POU6F2: variants seen among roughly 807,000 people sequenced by gnomAD.
POU6F2 encodes the protein POU domain, class 6, transcription factor 2.
Under a neutral mutation model 71.3 loss-of-function variants are expected in POU6F2, and 31 were observed. The ratio of observed to expected loss-of-function variants is 0.43; its 90% CI spans 0.33 to 0.59. POU6F2 has a LOEUF of 0.59. POU6F2 is among the 20% of genes least tolerant of loss of function. The pLI is 0.04. For synonymous variants in POU6F2, 347 were observed against 355.7 expected (o/e 0.98, Z 0.27); for missense variants, 783 against 856.8 (o/e 0.91, Z 1.07).
intron 2 of POU6F2, among the ~76,000 whole-genome samples, chr7:39,128,641 T>G (rs1295898728): frequency 6.6e-6 from 1 of 152,252 alleles, no homozygotes; most frequent in Non-Finnish European, 1.5e-5. Context: ...GTGACGAATG[T>G]GCACAGGATG....
At chr7:39,183,555 A>G (rs563137185) in intron 2 of POU6F2, among the ~76,000 whole-genome samples, 1 of 152,246 alleles carries the variant, frequency 6.6e-6, no homozygotes, top group African/African-American at 2.4e-5. Context: ...CCATGATCCA[A>G]TCACCTCCCA....
chr7:39,176,214 G>T (rs893932748), intron 2 of POU6F2, among the ~76,000 whole-genome samples: 1 of 152,124 alleles, frequency 6.6e-6, no homozygotes, highest in African/African-American at 2.4e-5. Flanking sequence ...GCTGTGAGGA[G>T]CATCTCTCAG....
intron 1 of POU6F2, among the ~76,000 whole-genome samples, chr7:38,995,436 C>G (rs1562659189): frequency 6.6e-6 from 1 of 151,762 alleles, no homozygotes; most frequent in Non-Finnish European, 1.5e-5. Context: ...CAAATCTGCA[C>G]GTTGTGCACA....
chr7:39,127,438 G>C (rs1792163072), intron 2 of POU6F2, among the ~76,000 whole-genome samples: 1 of 152,192 alleles, frequency 6.6e-6, no homozygotes. Context: ...AGGCACTGGA[G>C]TAAAGAATGG....
intron 2 of POU6F2, among the ~76,000 whole-genome samples, chr7:39,137,817 T>C (rs559500958): frequency 5.8e-4 from 88 of 152,182 alleles, no homozygotes; most frequent in Non-Finnish European, 9.7e-4. Context: ...CCTGTGCATA[T>C]TGATCTTCCC....
intron 2 of POU6F2, among the ~76,000 whole-genome samples, chr7:39,143,229 A>G (rs1050798591): frequency 4.6e-5 from 7 of 152,334 alleles, no homozygotes; most frequent in African/African-American, 1.7e-4. Context: ...AGAGGCTGCC[A>G]AAGGACCTAG....
intron 2 of POU6F2, among the ~76,000 whole-genome samples, chr7:39,088,975 T>G (rs949721482): frequency 1.3e-5 from 2 of 152,158 alleles, no homozygotes; most frequent in Non-Finnish European, 2.9e-5. Flanking sequence ...CTCCTTAAAT[T>G]GCACCTCTGC....
chr7:39,468,107 G>A lies in POU6F2; in HGVS notation c.*3421G>A, dbSNP rs537362173. 10 of 151,904 alleles carry A rather than the reference G, an allele frequency of 6.6e-5. No individual in the cohort carries two copies. The East Asian group carries it at 1.5e-3, about 23-fold the overall frequency. 9.4% of individuals were successfully genotyped at this position (151,904 alleles called of 1,614,324 possible). ...GTAAAATCTGTTTGGATAACATTTTGTAATGAGCTTTTTGTCATGTGATTT... is the reference window on the plus strand; with the variant it reads ...GTAAAATCTGTTTGGATAACATTTTATAATGAGCTTTTTGTCATGTGATTT... On this transcript the variant is annotated 3_prime_UTR_variant, in exon 10 of 10. Transcript: ENST00000518318.
intron 2 of POU6F2, among the ~76,000 whole-genome samples, chr7:39,188,728 C>T (rs1241819033): frequency 2.0e-5 from 3 of 152,208 alleles, no homozygotes; most frequent in African/African-American, 7.2e-5. Context: ...GCACATCTGC[C>T]TCTGCCTCGC....
At chr7:39,183,130 T>C (rs911899695) in intron 2 of POU6F2, among the ~76,000 whole-genome samples, 23 of 152,140 alleles carry the variant, frequency 1.5e-4, no homozygotes, top group African/African-American at 5.6e-4. Flanking sequence ...TAGATTCTCA[T>C]AGGAGCATGA....
At chr7:39,308,525 G>C (rs963677859) in intron 4 of POU6F2, among the ~76,000 whole-genome samples, 35 of 152,282 alleles carry the variant, frequency 2.3e-4, no homozygotes, top group African/African-American at 8.4e-4. Flanking sequence ...GTTGGTCCTG[G>C]ACTACAGATG....
intron 5 of POU6F2, among the ~76,000 whole-genome samples, chr7:39,361,847 A>G (rs1411925293): frequency 6.6e-6 from 1 of 152,208 alleles, no homozygotes; most frequent in Non-Finnish European, 1.5e-5. Flanking sequence ...CAAATGTTTG[A>G]GCTCGGGTGT....
chr7:39,418,985 GTGTATATA>G (rs1787759662), intron 6 of POU6F2, among the ~76,000 whole-genome samples: 6 of 135,434 alleles, frequency 4.4e-5, no homozygotes, highest in Admixed American at 2.9e-4. Flanking sequence ...GTATATATAT[GTGTATATA>G]TGTGTATATA....
intron 5 of POU6F2, among the ~76,000 whole-genome samples, chr7:39,378,373 G>A (rs1193118282): frequency 6.6e-6 from 1 of 152,134 alleles, no homozygotes; most frequent in African/African-American, 2.4e-5. Context: ...ATGCTCCCCT[G>A]AATCCCCTCC....
rs1177489970 is a variant in POU6F2, at chr7:39,467,685, CTTT to C, written c.*3000_*3002del. On this transcript the variant is annotated 3_prime_UTR_variant, in exon 10 of 10. Coordinates refer to ENST00000518318, the MANE Select transcript of POU6F2 (RefSeq NM_001370959.1). ...AATTGCATTTGCAAGGTTTTGGCTT[CTTT>C]ATGTTGTCATCACACAGATGCACAC... The C allele has an allele frequency of 6.6e-6, 1 of 152,040 alleles. No individual in the cohort carries two copies. The highest frequency in any genetic ancestry group is 1.9e-4 in the East Asian group (1 of 5,192). 9.4% of individuals were successfully genotyped at this position (152,040 alleles called of 1,614,324 possible). A position where few individuals can be genotyped will look rare whatever the true frequency, so the allele number is the denominator to read the frequency against.
rs1417859623 is a variant in POU6F2 at position 39,052,215 on chromosome 7, C to T, written c.106-33645C>T. Among the ~76,000 whole-genome samples, 3 of 152,178 alleles carry T rather than the reference C, an allele frequency of 2.0e-5. No homozygotes were observed. The East Asian group carries it at 5.8e-4, about 29-fold the overall frequency. ...TTATTCTTAATCTTCAGAACAACTC[C>T]ATAAAGTAGATACTGCGACTGCAAT... On this transcript the variant is annotated intron_variant, in intron 1 of 9. Transcript: ENST00000518318.
chr7:39,401,831 A>G (rs565813181), intron 5 of POU6F2, among the ~76,000 whole-genome samples: 1 of 152,268 alleles, frequency 6.6e-6, no homozygotes, highest in African/African-American at 2.4e-5. Flanking sequence ...CAAAATCCAT[A>G]CTCTATAAAA....
intron 2 of POU6F2, among the ~76,000 whole-genome samples, chr7:39,157,173 G>A (rs1020571392): frequency 1.3e-5 from 2 of 152,128 alleles, no homozygotes; most frequent in Non-Finnish European, 2.9e-5. Context: ...AGCAGTTAAG[G>A]CCTGGTGCAT....
intron 2 of POU6F2, among the ~76,000 whole-genome samples, chr7:39,146,526 A>C (rs1274951331): frequency 3.3e-5 from 5 of 152,252 alleles, no homozygotes; most frequent in Non-Finnish European, 7.3e-5. Flanking sequence ...GAGCACACCC[A>C]AATCTAAACT....
Sources: gnomAD v4.1 joint callset for allele counts (sites outside exome capture counted in the v4.1 genomes callset) on GRCh38, gnomAD v4.1.1 for gene constraint, MANE v1.5 for transcripts, NCBI Gene and HGNC (gene_info 2026-07-23, HGNC 2026-07-21) for gene names.